RELN: variants seen among roughly 807,000 people sequenced by gnomAD.
RELN encodes the protein reelin.
RELN carries 108 observed loss-of-function variants against 427.6 expected under a neutral mutation model. The ratio of observed to expected loss-of-function variants is 0.25; its 90% confidence interval spans 0.22 to 0.30. The LOEUF (loss-of-function observed/expected upper bound fraction) is 0.30. Ranked by LOEUF, RELN falls within the 10% of genes least tolerant of loss-of-function variation. RELN has a pLI of 1.00. For missense variants in RELN, 3,715 were observed against 4,302.8 expected, an observed-to-expected ratio of 0.86 and a Z score of 3.82; for synonymous variants, 1,524 against 1,513.4, an observed-to-expected ratio of 1.01 and a Z score of -0.16.
intron 37 of RELN, among the ~76,000 whole-genome samples, 172 bp from the exon 38 acceptor site, chr7:103,557,331 G>A (rs1381105989): frequency 6.6e-6 from 1 of 152,154 alleles, no homozygotes; most frequent in African/African-American, 2.4e-5. Flanking sequence ...TGGGCTTTCT[G>A]TATATCTCGA....
At chr7:103,837,806 G>A (rs143444729) in intron 2 of RELN, among the ~76,000 whole-genome samples, 2 of 152,120 alleles carry the variant, frequency 1.3e-5, no homozygotes, top group East Asian at 1.9e-4. Context: ...TGTCCATGTG[G>A]GACACCGCTT....
At chr7:103,795,932 T>C (rs1208601191) in intron 3 of RELN, among the ~76,000 whole-genome samples, 1 of 152,174 alleles carries the variant, frequency 6.6e-6, no homozygotes, top group Non-Finnish European at 1.5e-5. Context: ...AGAAATCACA[T>C]TTTCATTTTT....
rs1460435976 is a variant in RELN at position 103,486,436 on chromosome 7, C to T, written c.9764-20G>A. ...CATCACCTAGAGGACAAGGAGCAGT[C>T]ACAGAAATTAAGTGGACCAACCAGA... is the stretch of plus-strand genomic sequence containing the variant. On this transcript the variant is annotated intron_variant, in intron 60 of 64. Coordinates refer to ENST00000428762, the MANE Select transcript of RELN (RefSeq NM_005045.4). The T allele has an allele frequency of 6.3e-7, 1 of 1,591,220 alleles. No homozygotes were observed. Among genetic ancestry groups the T allele is most frequent in the African/African-American group, 1.3e-5 (1 of 74,242 alleles).
At chr7:103,854,720 C>T (rs1034324885) in intron 2 of RELN, among the ~76,000 whole-genome samples, 3 of 152,112 alleles carry the variant, frequency 2.0e-5, no homozygotes, top group Non-Finnish European at 2.9e-5. Context: ...GAGTCTACTG[C>T]GGTACCCTTC....
intron 40 of RELN, among the ~76,000 whole-genome samples, chr7:103,551,944 T>C (rs73714457): frequency 0.11 from 16,469 of 147,740 alleles, 1,470 homozygotes; most frequent in African/African-American, 0.24. Flanking sequence ...TGTGGGTGTG[T>C]GTGTGTGTGT....
chr7:103,824,533 C>A lies in RELN; in HGVS notation c.473+9004G>T, dbSNP rs1793083913. Among the ~76,000 whole-genome samples the A allele has an allele frequency of 1.3e-5, 2 of 151,892 alleles. No individual in the cohort carries two copies. Among genetic ancestry groups the A allele is most frequent in the Non-Finnish European group, 2.9e-5 (2 of 67,976 alleles). ...ACCTAAATCAGGTTTAAGAGACCTG[C>A]AGGCCACCACAATGTCAGTTCCTAT... On this transcript the variant is annotated intron_variant, in intron 3 of 64. Coordinates refer to ENST00000428762, the MANE Select transcript of RELN (RefSeq NM_005045.4). The surrounding 1 kb of genome is among the most constrained non-coding windows in gnomAD (Gnocchi z 4.4).
At chr7:103,632,917 T>C (rs902726768) in intron 19 of RELN, among the ~76,000 whole-genome samples, 2 of 152,120 alleles carry the variant, frequency 1.3e-5, no homozygotes, top group African/African-American at 4.8e-5. Flanking sequence ...TTAGACTTCA[T>C]AGTAATTTTA....
chr7:103,649,585 A>T (rs1456039253), intron 16 of RELN, among the ~76,000 whole-genome samples: 1 of 152,026 alleles, frequency 6.6e-6, no homozygotes, highest in African/African-American at 2.4e-5. Context: ...AAAAATAAAA[A>T]TAGAAAGACA....
At chr7:103,612,812 G>A (rs1831991820) in intron 20 of RELN, among the ~76,000 whole-genome samples, 1 of 152,094 alleles carries the variant, frequency 6.6e-6, no homozygotes, top group African/African-American at 2.4e-5. Flanking sequence ...ATTGTTTGAA[G>A]GCAGGCAAAT....
intron 20 of RELN, among the ~76,000 whole-genome samples, chr7:103,624,824 A>C (rs912309179): frequency 1.3e-5 from 2 of 152,180 alleles, no homozygotes; most frequent in African/African-American, 4.8e-5. Flanking sequence ...TTCTCTAAAA[A>C]ATGACCAACG....
chr7:103,661,322 G>T, intron 12 of RELN, 54 bp downstream of exon 12: 2 of 1,564,168 alleles, frequency 1.3e-6, no homozygotes, highest in East Asian at 2.2e-5. Flanking sequence ...TCAGGAATAG[G>T]TGCTGGCCTA....
intron 11 of RELN, among the ~76,000 whole-genome samples, chr7:103,680,679 C>T (rs1351091536): frequency 6.6e-6 from 1 of 151,736 alleles, no homozygotes; most frequent in Non-Finnish European, 1.5e-5. Context: ...GGACCAGAAA[C>T]CACTGTTTCT....
intron 1 of RELN, among the ~76,000 whole-genome samples, chr7:103,945,063 A>G (rs1296282543): frequency 6.6e-6 from 1 of 152,216 alleles, no homozygotes; most frequent in Non-Finnish European, 1.5e-5. Context: ...CTTGCAAAAT[A>G]CAATTACAAG....
chr7:103,892,280 C>T (rs1433071945), intron 2 of RELN, among the ~76,000 whole-genome samples: 2 of 152,154 alleles, frequency 1.3e-5, no homozygotes, highest in African/African-American at 4.8e-5. Flanking sequence ...CAAAGCCTTC[C>T]ATGCTGACCA....
rs186133228 is a variant in RELN at position 103,953,891 on chromosome 7, C to A, written c.226+35240G>T. Among the ~76,000 whole-genome samples the A allele has an allele frequency of 6.6e-6, 1 of 152,134 alleles. No homozygotes were observed. Among genetic ancestry groups the A allele is most frequent in the African/African-American group, 2.4e-5 (1 of 41,506 alleles). On this transcript the variant is annotated intron_variant, in intron 1 of 64. Coordinates refer to ENST00000428762, the MANE Select transcript of RELN (RefSeq NM_005045.4). This position sits in a 1 kb window ranked among gnomAD's most constrained non-coding sequence, Gnocchi z 4.3. ...AGGCTGCAATGAGTCAAGACCGTGCCACTACATGCCAGGCTGTGCGGCAGA... is the reference window on the plus strand; with the variant it reads ...AGGCTGCAATGAGTCAAGACCGTGCAACTACATGCCAGGCTGTGCGGCAGA...
In RELN at chr7:103,485,392, A is replaced by T. The variant is rs544753777; in HGVS notation, c.9983+805T>A. ...CACTAATATTATATTTTCCAAAGTG[A>T]AAGGTTTCATGTAAACTATCTTCCC... is the stretch of plus-strand genomic sequence containing the variant. On this transcript the variant is annotated intron_variant, in intron 61 of 64. Coordinates refer to ENST00000428762, the MANE Select transcript of RELN (RefSeq NM_005045.4). Among the ~76,000 whole-genome samples, 10 of 152,292 alleles carry T rather than the reference A, an allele frequency of 6.6e-5. No homozygotes were observed. The South Asian group carries it at 2.1e-3, about 32-fold the overall frequency.
At chr7:103,728,841 A>G (rs950210685) in intron 6 of RELN, among the ~76,000 whole-genome samples, 3 of 152,202 alleles carry the variant, frequency 2.0e-5, no homozygotes, top group African/African-American at 7.2e-5. Flanking sequence ...TAATCCATGT[A>G]TTAGTATGAT....
intron 41 of RELN, among the ~76,000 whole-genome samples, chr7:103,549,680 C>T (rs1246598545): frequency 6.6e-6 from 1 of 152,148 alleles, no homozygotes; most frequent in Non-Finnish European, 1.5e-5. Context: ...TTAATGTGAA[C>T]ACAATAAAAA....
At chr7:103,497,974 TA>T in intron 54 of RELN, 48 bp from the exon 55 acceptor site, 1 of 1,603,124 alleles carries the variant, frequency 6.2e-7, no homozygotes, top group Non-Finnish European at 8.5e-7. Context: ...TTAGAACAAA[TA>T]CTCTACTCAA....
Sources: gnomAD v4.1 joint callset for allele counts (sites outside exome capture counted in the v4.1 genomes callset) on GRCh38, gnomAD v4.1.1 for gene constraint, Gnocchi (gnomAD v3.1) non-coding constraint, MANE v1.5 for transcripts, NCBI Gene and HGNC (gene_info 2026-07-23, HGNC 2026-07-21) for gene names.